The following CAMKMT variants were observed in gnomAD, a reference collection of about 807,000 sequenced individuals.
The protein encoded by CAMKMT is CaM KMT.
In CAMKMT, 53 loss-of-function variants were observed where a neutral mutation model predicts 48.0. That is an observed-to-expected ratio of 1.10 (90% CI 0.89 to 1.39). The LOEUF (loss-of-function observed/expected upper bound fraction) is 1.39. Among genes scored for constraint, CAMKMT ranks in the 40% most tolerant of loss-of-function variants. The probability of loss-of-function intolerance (pLI) is 0.00; values close to 1 mark genes in which losing one functional copy is unlikely to be tolerated. For missense variants in CAMKMT, 428 were observed against 402.7 expected (o/e 1.06, Z -0.54); for synonymous variants, 165 against 152.3 (o/e 1.08, Z -0.61).
intron 3 of CAMKMT, among the ~76,000 whole-genome samples, chr2:44,616,718 T>C (rs1421216463): frequency 6.6e-6 from 1 of 152,200 alleles, no homozygotes; most frequent in African/African-American, 2.4e-5. Flanking sequence ...TCAGAAAGCC[T>C]TAATTAGATT....
intron 3 of CAMKMT, among the ~76,000 whole-genome samples, chr2:44,546,709 T>G (rs1456761271): frequency 6.6e-6 from 1 of 152,226 alleles, no homozygotes; most frequent in Non-Finnish European, 1.5e-5. Context: ...TCACTTAGCA[T>G]AGTCAGTAGG....
chr2:44,706,593 T>G (rs2104277123), intron 5 of CAMKMT, among the ~76,000 whole-genome samples: 1 of 152,018 alleles, frequency 6.6e-6, no homozygotes, highest in African/African-American at 2.4e-5. Flanking sequence ...CGCACAGTCT[T>G]TCTTTGCCAT....
intron 3 of CAMKMT, among the ~76,000 whole-genome samples, chr2:44,527,543 C>T (rs1324954424): frequency 6.7e-6 from 1 of 149,864 alleles, no homozygotes; most frequent in Non-Finnish European, 1.5e-5. Context: ...CACAAGCTAC[C>T]ACTCTTGTTT....
intron 9 of CAMKMT, among the ~76,000 whole-genome samples, chr2:44,765,088 C>A (rs777136146): frequency 1.2e-4 from 18 of 151,962 alleles, no homozygotes; most frequent in Non-Finnish European, 2.2e-4. Flanking sequence ...ATTAGCCAGG[C>A]GTGGTGGACT....
chr2:44,544,217 T>C (rs1393797276), intron 3 of CAMKMT, among the ~76,000 whole-genome samples: 1 of 152,136 alleles, frequency 6.6e-6, no homozygotes, highest in African/African-American at 2.4e-5. Flanking sequence ...TGTCAATGAT[T>C]ATTTCAGTGA....
intron 3 of CAMKMT, among the ~76,000 whole-genome samples, chr2:44,634,982 AG>A (rs1391263523): frequency 6.6e-6 from 1 of 152,144 alleles, no homozygotes; most frequent in Non-Finnish European, 1.5e-5. Context: ...GCCAAGGTGG[AG>A]GATCGCTTGA....
At chr2:44,490,231 A>G (rs1056425078) in intron 3 of CAMKMT, among the ~76,000 whole-genome samples, 27 of 152,098 alleles carry the variant, frequency 1.8e-4, no homozygotes, top group Middle Eastern at 6.4e-3. Flanking sequence ...ATAATTTTCA[A>G]TAATAGCTCA....
At chr2:44,692,293 C>G (rs1184188842) in intron 3 of CAMKMT, among the ~76,000 whole-genome samples, 1 of 152,078 alleles carries the variant, frequency 6.6e-6, no homozygotes, top group Non-Finnish European at 1.5e-5. Flanking sequence ...AGGCACACTT[C>G]TGAATGTCTT....
intron 3 of CAMKMT, among the ~76,000 whole-genome samples, chr2:44,666,509 C>T (rs1397093567): frequency 6.6e-6 from 1 of 152,052 alleles, no homozygotes; most frequent in Non-Finnish European, 1.5e-5. Context: ...CAGACAGACA[C>T]CAAGATCTAA....
chr2:44,387,709 TGTG>T (rs138950022), intron 2 of CAMKMT, among the ~76,000 whole-genome samples: 8,210 of 152,250 alleles, frequency 0.054, 281 homozygotes, highest in South Asian at 0.12. Flanking sequence ...TAGCAGTTCT[TGTG>T]GTGGTGGCTT....
chr2:44,678,511 T>G (rs1176598153), intron 3 of CAMKMT, among the ~76,000 whole-genome samples: 4 of 152,208 alleles, frequency 2.6e-5, no homozygotes, highest in African/African-American at 9.7e-5. Context: ...CTCCAAACAC[T>G]TGGGCTGAAT....
chr2:44,611,291 G>A (rs1671583905), intron 3 of CAMKMT, among the ~76,000 whole-genome samples: 1 of 151,966 alleles, frequency 6.6e-6, no homozygotes, highest in Non-Finnish European at 1.5e-5. Context: ...AAATTAGCTG[G>A]GTGTGGTGGT....
intron 3 of CAMKMT, among the ~76,000 whole-genome samples, chr2:44,696,729 G>A (rs1329972512): frequency 2.0e-5 from 3 of 152,048 alleles, no homozygotes; most frequent in African/African-American, 7.2e-5. Flanking sequence ...AGATACCTGA[G>A]GGAAGCTTTT....
At chr2:44,470,857 A>T (rs1006455180) in intron 3 of CAMKMT, among the ~76,000 whole-genome samples, 1 of 151,700 alleles carries the variant, frequency 6.6e-6, no homozygotes, top group African/African-American at 2.4e-5. Flanking sequence ...ATTTTTTTCT[A>T]TTGTAAATTA....
chr2:44,415,695 A>G (rs2104492719), intron 3 of CAMKMT, among the ~76,000 whole-genome samples: 1 of 152,320 alleles, frequency 6.6e-6, no homozygotes, highest in South Asian at 2.1e-4. Flanking sequence ...AAAGTCTTCA[A>G]TTTTATGAAA....
chr2:44,722,823 G>A (rs573132431), intron 7 of CAMKMT, among the ~76,000 whole-genome samples: 3 of 152,222 alleles, frequency 2.0e-5, no homozygotes, highest in South Asian at 4.1e-4. Context: ...GCTGTCATAG[G>A]ATCAGAGATA....
chr2:44,572,611 G>A (rs1431645453), intron 3 of CAMKMT, among the ~76,000 whole-genome samples: 1 of 151,930 alleles, frequency 6.6e-6, no homozygotes, highest in African/African-American at 2.4e-5. Flanking sequence ...ACACATGTCT[G>A]TTGGAGTCCC....
chr2:44,613,742 A>T (rs1241979696), intron 3 of CAMKMT, among the ~76,000 whole-genome samples: 1 of 152,150 alleles, frequency 6.6e-6, no homozygotes, highest in Non-Finnish European at 1.5e-5. Flanking sequence ...TCTTTTACAG[A>T]GGAGAAATCT....
In CAMKMT at chr2:44,683,549, G is replaced by A. The variant is rs569046654; in HGVS notation, c.377-20734G>A. Among the ~76,000 whole-genome samples, 6 of 152,246 alleles carry A rather than the reference G, an allele frequency of 3.9e-5. No homozygotes were observed. In the East Asian group the frequency reaches 5.8e-4, roughly 15 times the overall value. On this transcript the variant is annotated intron_variant, in intron 3 of 10. Transcript: ENST00000378494. ...GAAAAACAGTAACGAGGCAGGGCGC[G>A]GTGGCTCACGCCTATAATCCCAGCA...
Sources: allele counts gnomAD v4.1 joint callset (sites outside exome capture counted in the v4.1 genomes callset), GRCh38; gene constraint gnomAD v4.1.1; transcripts MANE v1.5; gene names NCBI Gene and HGNC (gene_info 2026-07-23, HGNC 2026-07-21).